Variants in NUSAP1 observed in about 807,000 individuals in gnomAD.
NUSAP1 encodes the protein nucleolar and spindle associated protein 1.
Under a neutral mutation model 52.8 loss-of-function variants are expected in NUSAP1, and 32 were observed. The ratio of observed to expected loss-of-function variants is 0.61; its 90% CI spans 0.46 to 0.81. NUSAP1 has a LOEUF of 0.81. Among genes scored for constraint, NUSAP1 ranks in the 40% least tolerant of loss-of-function variants. NUSAP1 has a pLI of 0.00. For synonymous variants in NUSAP1, 195 were observed against 183.1 expected, an observed-to-expected ratio of 1.06 and a Z score of -0.52; for missense variants, 499 against 522.3, an observed-to-expected ratio of 0.96 and a Z score of 0.43.
intron 1 of NUSAP1, among the ~76,000 whole-genome samples, chr15:41,336,235 C>T (rs958701292): frequency 4.0e-5 from 6 of 151,296 alleles, no homozygotes; most frequent in African/African-American, 7.3e-5. Context: ...CATTGCACTC[C>T]AGCCTGGGCA....
chr15:41,371,695 A>T lies in NUSAP1; in HGVS notation c.1006+11A>T, dbSNP rs1361470308. ...GGAATTCTGCTGCTGGTAAAAAAAA[A>T]AAAAAACAAAAGAAATCTGTTTCAT... On this transcript the variant is annotated intron_variant, in intron 8 of 10. Transcript: ENST00000559596. 6.3e-7 allele frequency: 1 copy of T among 1,579,434 alleles called. No individual in the cohort carries two copies. The highest frequency in any genetic ancestry group is 1.4e-5 in the African/African-American group (1 of 72,194).
chr15:41,369,414 G>T (rs778719749), intron 7 of NUSAP1, among the ~76,000 whole-genome samples: 5 of 152,022 alleles, frequency 3.3e-5, no homozygotes, highest in East Asian at 1.9e-4. Flanking sequence ...TTGGGAGCCC[G>T]AGTTGGGTGG....
At chr15:41,360,960 G>C (rs1025328353) in intron 6 of NUSAP1, among the ~76,000 whole-genome samples, 1 of 152,082 alleles carries the variant, frequency 6.6e-6, no homozygotes, top group Admixed American at 6.6e-5. Flanking sequence ...TGGCCATGGT[G>C]GTGGGTGCCT....
chr15:41,371,786 C>A, intron 8 of NUSAP1, 102 bp downstream of exon 8: 1 of 1,365,052 alleles, frequency 7.3e-7, no homozygotes, highest in Non-Finnish European at 9.8e-7. Context: ...TTGTTTTTTT[C>A]TGAGATGGAG....
chr15:41,367,701 A>C (rs2140793921), intron 7 of NUSAP1, among the ~76,000 whole-genome samples: 1 of 152,264 alleles, frequency 6.6e-6, no homozygotes, highest in South Asian at 2.1e-4. Flanking sequence ...ATTCTCCCGT[A>C]GTAAGGACTG....
Position 41,335,353 on chromosome 15 carries a change from A to T in NUSAP1, c.93+2303A>T, listed in dbSNP as rs1567035111. On this transcript the variant is annotated intron_variant, in intron 1 of 10. Transcript: ENST00000559596. The stretch of plus-strand genomic sequence containing the variant: ...CTAGGATACTAAATATACTAAATAC[A>T]CTAAAATAAACTAAATATATAAATA... Among the ~76,000 whole-genome samples the T allele has an allele frequency of 2.1e-5, 3 of 142,676 alleles. No homozygotes were observed. The South Asian group carries it at 6.5e-4, about 31-fold the overall frequency. The allele number at this position is 142,676 out of a possible 152,430, so 93.6% of individuals were successfully genotyped here.
rs1317536217 is a variant in NUSAP1, at chr15:41,375,704, G to A, written c.1007-8G>A. 6.3e-7 allele frequency: 1 copy of A among 1,576,234 alleles called. No individual in the cohort carries two copies. Among genetic ancestry groups the A allele is most frequent in the Non-Finnish European group, 8.7e-7 (1 of 1,146,194 alleles). On this transcript the variant is annotated splice_region_variant and splice_polypyrimidine_tract_variant and intron_variant, in intron 8 of 10. Transcript: ENST00000559596. ...TTAAGCTCTTGGGTTTTTTCGGTGT[G>A]TTTTTAGTTATTACCCCATTCAAGT...
chr15:41,349,296 T>G, intron 3 of NUSAP1, 55 bp downstream of exon 3: 1 of 1,508,734 alleles, frequency 6.6e-7, no homozygotes, highest in Non-Finnish European at 9.1e-7. Context: ...ATTGGCATAC[T>G]TTTATGGAGA....
At chr15:41,357,449 C>A (rs535860642) in intron 5 of NUSAP1, among the ~76,000 whole-genome samples, 137 of 146,654 alleles carry the variant, frequency 9.3e-4, no homozygotes, top group Non-Finnish European at 1.3e-3. Context: ...GCCTAAAATA[C>A]TTTTTTTTTT....
intron 7 of NUSAP1, among the ~76,000 whole-genome samples, chr15:41,368,057 A>G (rs1240547232): frequency 6.6e-6 from 1 of 152,302 alleles, no homozygotes; most frequent in East Asian, 1.9e-4. Context: ...AGCTGTCTCC[A>G]AAAATAAAAT....
intron 10 of NUSAP1, among the ~76,000 whole-genome samples, chr15:41,379,282 T>C (rs958249606): frequency 6.6e-6 from 1 of 151,312 alleles, no homozygotes; most frequent in African/African-American, 2.4e-5. Flanking sequence ...TAGACATTTC[T>C]CATTTAAAAC....
intron 7 of NUSAP1, among the ~76,000 whole-genome samples, chr15:41,367,069 T>G (rs1446548097): frequency 1.3e-5 from 2 of 152,204 alleles, no homozygotes; most frequent in African/African-American, 4.8e-5. Context: ...TTTGCCAGGT[T>G]TGGGACCGTG....
chr15:41,355,969 T>G (rs190506885), intron 4 of NUSAP1, 70 bp from the exon 5 acceptor site: 169 of 930,518 alleles, frequency 1.8e-4, no homozygotes, highest in Non-Finnish European at 2.6e-4. Context: ...TGAGCTACCG[T>G]GCCCGGCCAC....
chr15:41,354,194 G>C (rs2048877011), intron 4 of NUSAP1, among the ~76,000 whole-genome samples: 1 of 152,132 alleles, frequency 6.6e-6, no homozygotes, highest in Non-Finnish European at 1.5e-5. Flanking sequence ...GGGCAACGTA[G>C]TGAGACCTTG....
At position 41,371,690 on chromosome 15, in the gene NUSAP1, A is replaced by G. The variant is rs1435321120; in HGVS notation, c.1006+6A>G. On this transcript the variant is annotated splice_donor_region_variant and intron_variant, in intron 8 of 10. Coordinates refer to ENST00000559596, the MANE Select transcript of NUSAP1 (RefSeq NM_016359.5). ...CACGGGGAATTCTGCTGCTGGTAAA[A>G]AAAAAAAAAAACAAAAGAAATCTGT... 6.4e-7 allele frequency: 1 copy of G among 1,559,268 alleles called. No homozygotes were observed. The highest frequency in any genetic ancestry group is 2.3e-5 in the East Asian group (1 of 43,856).
chr15:41,348,059 G>A (rs568976190), intron 2 of NUSAP1, among the ~76,000 whole-genome samples: 1 of 152,026 alleles, frequency 6.6e-6, no homozygotes, highest in African/African-American at 2.4e-5. Context: ...AGAAATTGAG[G>A]CCGCAGTGAA....
At chr15:41,366,723 A>G (rs1248778998) in intron 7 of NUSAP1, among the ~76,000 whole-genome samples, 3 of 152,012 alleles carry the variant, frequency 2.0e-5, no homozygotes, top group African/African-American at 4.8e-5. Flanking sequence ...CTGGTATTTC[A>G]TATATTTCCC....
intron 6 of NUSAP1, among the ~76,000 whole-genome samples, chr15:41,362,771 G>T (rs1223839596): frequency 1.3e-5 from 2 of 151,950 alleles, no homozygotes; most frequent in African/African-American, 4.8e-5. Context: ...ATCTTGCCTT[G>T]TGGAAGATTT....
rs760046864 is a variant in NUSAP1, at chr15:41,380,086, C to T, written c.1233-7C>T. 6.4e-7 allele frequency: 1 copy of T among 1,568,924 alleles called. No homozygotes were observed. The highest frequency in any genetic ancestry group is 8.6e-7 in the Non-Finnish European group (1 of 1,156,658). ...CTAGAGCTTAATGTGTGACCTATCCCTCTCAGGGAAGAGCAACGGAAGAAA... is the reference window on the plus strand; with the variant it reads ...CTAGAGCTTAATGTGTGACCTATCCTTCTCAGGGAAGAGCAACGGAAGAAA... On this transcript the variant is annotated splice_region_variant and splice_polypyrimidine_tract_variant and intron_variant, in intron 10 of 10. Transcript: ENST00000559596.
Sources: gnomAD v4.1 joint callset for allele counts (sites outside exome capture counted in the v4.1 genomes callset) on GRCh38, gnomAD v4.1.1 for gene constraint, MANE v1.5 for transcripts, NCBI Gene and HGNC (gene_info 2026-07-23, HGNC 2026-07-21) for gene names.